Variants in BMPR2 observed in about 807,000 individuals in gnomAD.
The protein encoded by BMPR2 is bone morphogenetic protein receptor type-2.
BMPR2 carries 29 observed loss-of-function variants against 100.8 expected under a neutral mutation model. The observed-to-expected ratio is 0.29, with a 90% CI of 0.21 to 0.39. The LOEUF is 0.39. BMPR2 is among the 10% of genes least tolerant of loss of function. The pLI is 1.00. For missense variants in BMPR2, 1,011 were observed against 1,274.5 expected (o/e 0.79, Z 3.15); for synonymous variants, 382 against 442.3 (o/e 0.86, Z 1.71).
chr2:202,395,384 T>G (rs1690639106), intron 1 of BMPR2, among the ~76,000 whole-genome samples: 2 of 152,230 alleles, frequency 1.3e-5, no homozygotes, highest in African/African-American at 4.8e-5. Context: ...TTACTATTCT[T>G]GATCAATTCT....
At chr2:202,399,768 C>A (rs549926629) in intron 1 of BMPR2, among the ~76,000 whole-genome samples, 1 of 152,268 alleles carries the variant, frequency 6.6e-6, no homozygotes, top group African/African-American at 2.4e-5. Flanking sequence ...TGCAAGCCTA[C>A]TTCTCTAATA....
chr2:202,435,391 A>ATATG (rs1691596281), intron 1 of BMPR2, among the ~76,000 whole-genome samples: 2 of 139,986 alleles, frequency 1.4e-5, no homozygotes, highest in Non-Finnish European at 3.0e-5. Context: ...ATATATATAT[A>ATATG]TATATATATA....
chr2:202,377,524 C>A lies in BMPR2; in HGVS notation c.50C>A (p.Thr17Asn). ...RPWRVPWLPW[T>N]ILLVSTAAAS... ...TGGCGGGTGCCCTGGCTACCATGGA[C>A]CATCCTGCTGGTCAGCACTGCGGCT... is the stretch of plus-strand genomic sequence containing the variant. Residue 17 changes from threonine to asparagine, a missense_variant, in exon 1 of 13, where the codon ACC becomes AAC. Coordinates refer to ENST00000374580, the MANE Select transcript of BMPR2 (RefSeq NM_001204.7). 6.2e-7 allele frequency: 1 copy of A among 1,614,240 alleles called. No individual in the cohort carries two copies. The highest frequency in any genetic ancestry group is 8.5e-7 in the Non-Finnish European group (1 of 1,180,042).
chr2:202,420,494 CT>C (rs1691234226), intron 1 of BMPR2, among the ~76,000 whole-genome samples: 1 of 150,618 alleles, frequency 6.6e-6, no homozygotes, highest in African/African-American at 2.4e-5. Flanking sequence ...GTTTATAACC[CT>C]ATACGTCCTG....
Position 202,464,990 on chromosome 2 carries a change from C to G in BMPR2, c.247+11C>G. 1 of 1,613,592 alleles carries G rather than the reference C, an allele frequency of 6.2e-7. No individual in the cohort carries two copies. The highest frequency in any genetic ancestry group is 2.2e-5 in the East Asian group (1 of 44,862). On this transcript the variant is annotated intron_variant, in intron 2 of 12. Transcript: ENST00000374580. Reference sequence around the variant, plus strand: ...ATCTTGTAAAACAAGGCAAGTGATACTTTCCTTACCTGAAATGACTGTGTT... The same window carrying G: ...ATCTTGTAAAACAAGGCAAGTGATAGTTTCCTTACCTGAAATGACTGTGTT...
At chr2:202,484,818 A>G (rs1692738465) in intron 3 of BMPR2, among the ~76,000 whole-genome samples, 1 of 149,468 alleles carries the variant, frequency 6.7e-6, no homozygotes, top group Admixed American at 6.7e-5. Flanking sequence ...AAATGCAAAA[A>G]ATTAGCCAGG....
chr2:202,444,128 C>T (rs547538105), intron 1 of BMPR2, among the ~76,000 whole-genome samples: 2 of 150,780 alleles, frequency 1.3e-5, no homozygotes, highest in Admixed American at 1.3e-4. Context: ...GAAAGAGATA[C>T]AGTTTTATTC....
At chr2:202,491,737 T>C (rs1255534417) in intron 3 of BMPR2, among the ~76,000 whole-genome samples, 2 of 152,194 alleles carry the variant, frequency 1.3e-5, no homozygotes, top group African/African-American at 4.8e-5. Context: ...GCCTGCCTTA[T>C]TGCTGACTAC....
rs1024770958 is a variant in BMPR2, at chr2:202,532,033, G to C, written c.1129-552G>C. Among the ~76,000 whole-genome samples the C allele has an allele frequency of 1.5e-5, 2 of 132,100 alleles. No individual in the cohort carries two copies. Among genetic ancestry groups the C allele is most frequent in the Admixed American group, 9.1e-5 (1 of 11,016 alleles). The allele number at this position is 132,100 out of a possible 152,430, so 86.7% of individuals were successfully genotyped here. On this transcript the variant is annotated intron_variant, in intron 8 of 12. Transcript: ENST00000374580. This position sits in a 1 kb window ranked among gnomAD's most constrained non-coding sequence, Gnocchi z 4.1. Reference sequence around the variant, plus strand: ...TGGCTCACTGCAAGCTCCATCTCCCGGGTTCACGCTATTTTCCTGCCTCGG... The same window carrying C: ...TGGCTCACTGCAAGCTCCATCTCCCCGGTTCACGCTATTTTCCTGCCTCGG...
chr2:202,544,828 G>A (rs1020069045), intron 10 of BMPR2, among the ~76,000 whole-genome samples: 2 of 132,878 alleles, frequency 1.5e-5, no homozygotes, highest in African/African-American at 5.6e-5. Context: ...ATAGTGGTGT[G>A]ATCATGGCTC....
rs202099761 is a variant in BMPR2 at position 202,425,648 on chromosome 2, G to GA, written c.77-39160dup. ...GTTGGTGAGTGGGAGTTGGAAGATA[G>GA]AGAAACAAACCAAAAATCCAAGTTG... On this transcript the variant is annotated intron_variant, in intron 1 of 12. Transcript: ENST00000374580. Among the ~76,000 whole-genome samples the GA allele has an allele frequency of 1.4e-3, 213 of 152,250 alleles. 2 individuals carry two copies. The East Asian group carries it at 0.039, about 28-fold the overall frequency.
intron 1 of BMPR2, among the ~76,000 whole-genome samples, chr2:202,397,489 T>C (rs1363197213): frequency 6.6e-6 from 1 of 150,768 alleles, no homozygotes; most frequent in Admixed American, 6.7e-5. Flanking sequence ...TGTAGGTAAG[T>C]GTAGGTTTTT....
At chr2:202,420,062 G>A (rs1691227187) in intron 1 of BMPR2, among the ~76,000 whole-genome samples, 1 of 152,058 alleles carries the variant, frequency 6.6e-6, no homozygotes, top group Non-Finnish European at 1.5e-5. Context: ...TTGCTGTAAA[G>A]AAATCAGAAG....
chr2:202,457,561 TAG>T (rs72489501), intron 1 of BMPR2, among the ~76,000 whole-genome samples: 14,716 of 94,024 alleles, frequency 0.16, 955 homozygotes, highest in Non-Finnish European at 0.2. Context: ...TATATATATA[TAG>T]AGAGAGAGAG....
intron 1 of BMPR2, among the ~76,000 whole-genome samples, chr2:202,424,292 T>C (rs1234250998): frequency 6.6e-6 from 1 of 151,994 alleles, no homozygotes; most frequent in Non-Finnish European, 1.5e-5. Context: ...GAGAATTGCT[T>C]GAACCCAGGA....
chr2:202,380,886 T>C (rs578164311), intron 1 of BMPR2, among the ~76,000 whole-genome samples: 1 of 149,886 alleles, frequency 6.7e-6, no homozygotes, highest in Non-Finnish European at 1.5e-5. Flanking sequence ...CCCAAAATGC[T>C]GGGATTATAG....
At chr2:202,522,973 A>G (rs892034677) in intron 7 of BMPR2, among the ~76,000 whole-genome samples, 12 of 152,322 alleles carry the variant, frequency 7.9e-5, no homozygotes, top group South Asian at 6.2e-4. Context: ...AATATTTGCA[A>G]ACTTCACGTC....
intron 9 of BMPR2, among the ~76,000 whole-genome samples, chr2:202,538,896 T>C (rs1688216757): frequency 6.6e-6 from 1 of 151,600 alleles, no homozygotes; most frequent in African/African-American, 2.4e-5. Flanking sequence ...ACTAAATAAA[T>C]TTTTAAAGAC....
intron 3 of BMPR2, among the ~76,000 whole-genome samples, chr2:202,470,898 A>G (rs1032488800): frequency 6.6e-6 from 1 of 151,690 alleles, no homozygotes; most frequent in Non-Finnish European, 1.5e-5. Flanking sequence ...CCTTATCTCA[A>G]AAAAAAATTA....
Sources: gnomAD v4.1 joint callset for allele counts (sites outside exome capture counted in the v4.1 genomes callset) on GRCh38, gnomAD v4.1.1 for gene constraint, Gnocchi (gnomAD v3.1) non-coding constraint, MANE v1.5 for transcripts, NCBI Gene and HGNC (gene_info 2026-07-23, HGNC 2026-07-21) for gene names.